AKT3: variants seen among roughly 807,000 people sequenced by gnomAD.
AKT3 encodes AKT serine/threonine kinase 3.
Under a neutral mutation model 65.3 loss-of-function variants are expected in AKT3, and 15 were observed. That is an observed-to-expected ratio of 0.23 (90% CI 0.15 to 0.35). The LOEUF (loss-of-function observed/expected upper bound fraction) is 0.35. Ranked by LOEUF, AKT3 falls within the 10% of genes least tolerant of loss-of-function variation. The probability of loss-of-function intolerance (pLI) is 1.00; values close to 1 mark genes in which losing one functional copy is unlikely to be tolerated. For missense variants in AKT3, 243 were observed against 576.5 expected (o/e 0.42, Z 5.92); for synonymous variants, 206 against 183.8 (o/e 1.12, Z -0.98).
chr1:243,639,669 G>T (rs2147819237), intron 5 of AKT3, among the ~76,000 whole-genome samples: 1 of 152,316 alleles, frequency 6.6e-6, no homozygotes, highest in East Asian at 1.9e-4. Flanking sequence ...GAAACTGTCA[G>T]TTCTGGGAAT....
At chr1:243,679,002 C>T (rs957677564) in intron 3 of AKT3, among the ~76,000 whole-genome samples, 1 of 152,122 alleles carries the variant, frequency 6.6e-6, no homozygotes, top group Non-Finnish European at 1.5e-5. Context: ...GAAAGACTAA[C>T]GCCTTCTCTT....
chr1:243,575,459 T>C (rs899063063), intron 8 of AKT3, among the ~76,000 whole-genome samples: 1 of 152,134 alleles, frequency 6.6e-6, no homozygotes, highest in African/African-American at 2.4e-5. Flanking sequence ...TCCAAACCCA[T>C]CAAGTTGTTC....
chr1:243,814,487 A>G (rs985451740), intron 2 of AKT3: 1 of 152,220 alleles, frequency 6.6e-6, no homozygotes, highest in Non-Finnish European at 1.5e-5. Context: ...TTGGTCAGAA[A>G]ACTCTTCTTA....
chr1:243,789,512 T>G (rs1691483501), intron 2 of AKT3, among the ~76,000 whole-genome samples: 1 of 152,250 alleles, frequency 6.6e-6, no homozygotes, highest in African/African-American at 2.4e-5. Context: ...CTCTTGCTAT[T>G]TCTACCACAT....
At chr1:243,652,771 CAAA>C (rs371580711) in intron 4 of AKT3, among the ~76,000 whole-genome samples, 5 of 31,290 alleles carry the variant, frequency 1.6e-4, no homozygotes, top group African/African-American at 3.9e-4. Context: ...AAATAGAAAG[CAAA>C]AAAAAAAAAA....
At chr1:243,811,865 C>T (rs1160511654) in intron 2 of AKT3, among the ~76,000 whole-genome samples, 4 of 152,114 alleles carry the variant, frequency 2.6e-5, no homozygotes, top group Non-Finnish European at 4.4e-5. Flanking sequence ...AGAAATAATA[C>T]CACACGTCTA....
At chr1:243,600,737 G>A (rs1238915917) in intron 8 of AKT3, among the ~76,000 whole-genome samples, 1 of 151,920 alleles carries the variant, frequency 6.6e-6, no homozygotes, top group Non-Finnish European at 1.5e-5. Flanking sequence ...AAATCTCCCC[G>A]ACCTGCCACC....
chr1:243,829,850 GA>G, intron 2 of AKT3, among the ~76,000 whole-genome samples: 1 of 152,120 alleles, frequency 6.6e-6, no homozygotes, highest in Non-Finnish European at 1.5e-5. Flanking sequence ...GTAAAACTGA[GA>G]AAAAGTGGCT....
intron 2 of AKT3, among the ~76,000 whole-genome samples, chr1:243,813,551 T>C (rs981913750): frequency 6.6e-6 from 1 of 151,744 alleles, no homozygotes; most frequent in Non-Finnish European, 1.5e-5. Flanking sequence ...TAGAAAGCAA[T>C]ATAACGTTAG....
chr1:243,823,703 G>A (rs1458685259), intron 2 of AKT3, among the ~76,000 whole-genome samples: 1 of 152,086 alleles, frequency 6.6e-6, no homozygotes, highest in Non-Finnish European at 1.5e-5. Context: ...CATAGGAATA[G>A]AGCTAACAAG....
chr1:243,544,858 G>A (rs891092403), intron 12 of AKT3, among the ~76,000 whole-genome samples: 1 of 151,370 alleles, frequency 6.6e-6, no homozygotes, highest in Non-Finnish European at 1.5e-5. Flanking sequence ...ACCACGCCCA[G>A]TTGATTTTTT....
At chr1:243,705,809 T>C (rs1030063703) in intron 2 of AKT3, among the ~76,000 whole-genome samples, 1 of 152,084 alleles carries the variant, frequency 6.6e-6, no homozygotes, top group Non-Finnish European at 1.5e-5. Context: ...AGTTATTATT[T>C]TGCTTACATC....
At chr1:243,499,058 C>T (rs1348480471), downstream of AKT3, among the ~76,000 whole-genome samples, 1 of 152,180 alleles carries the variant, frequency 6.6e-6, no homozygotes, top group East Asian at 1.9e-4. Flanking sequence ...GACTCTAGTT[C>T]CTGATGTGGT....
At position 243,587,696 on chromosome 1, in the gene AKT3, T is replaced by C. The variant is rs200995612; in HGVS notation, c.697-14648A>G. 2.0e-5 allele frequency among the ~76,000 whole-genome samples: 3 copies of C among 152,122 alleles called. No homozygotes were observed. In the East Asian group the frequency reaches 5.8e-4, roughly 29 times the overall value. ...AAGGATATTTTCAGAAGTATATACATTGAGAAAAATGTGAAAACGGCCTTC... is the reference window on the plus strand; with the variant it reads ...AAGGATATTTTCAGAAGTATATACACTGAGAAAAATGTGAAAACGGCCTTC... On this transcript the variant is annotated intron_variant, in intron 8 of 13. Coordinates refer to ENST00000673466, the MANE Select transcript of AKT3 (RefSeq NM_005465.7).
Position 243,503,504 on chromosome 1 carries a change from C to A in AKT3, c.*1745G>T. On this transcript the variant is annotated 3_prime_UTR_variant, in exon 14 of 14. Transcript: ENST00000673466. ...ATGATCACTCCGCGGAGTAGGATGG[C>A]CTTCTGCTTGCCGCAAGAGTGGCCC... 1 of 233,360 alleles carries A rather than the reference C, an allele frequency of 4.3e-6. No homozygotes were observed. The highest frequency in any genetic ancestry group is 8.5e-6 in the Non-Finnish European group (1 of 117,870). 14.5% of individuals were successfully genotyped at this position (233,360 alleles called of 1,614,324 possible).
chr1:243,715,535 G>C (rs533856718), intron 2 of AKT3, among the ~76,000 whole-genome samples: 2 of 152,008 alleles, frequency 1.3e-5, no homozygotes, highest in South Asian at 2.1e-4. Flanking sequence ...TTTCAAACTG[G>C]GTGAATCCTA....
At chr1:243,773,377 T>C (rs1344814654) in intron 2 of AKT3, among the ~76,000 whole-genome samples, 2 of 152,032 alleles carry the variant, frequency 1.3e-5, no homozygotes, top group African/African-American at 4.8e-5. Context: ...AGTAGACGCT[T>C]TGAAATCTGA....
intron 2 of AKT3, among the ~76,000 whole-genome samples, chr1:243,757,482 G>C (rs1036956093): frequency 2.6e-5 from 4 of 152,096 alleles, no homozygotes; most frequent in Admixed American, 2.6e-4. Flanking sequence ...GCTGGGCGTG[G>C]TATCAGGTGC....
At chr1:243,522,790 G>A (rs1190924180) in intron 12 of AKT3, among the ~76,000 whole-genome samples, 2 of 152,100 alleles carry the variant, frequency 1.3e-5, no homozygotes, top group Admixed American at 1.3e-4. Context: ...TATTAAACCA[G>A]AAATAAATAA....
Sources: allele counts gnomAD v4.1 joint callset (sites outside exome capture counted in the v4.1 genomes callset), GRCh38; gene constraint gnomAD v4.1.1; transcripts MANE v1.5; gene names NCBI Gene and HGNC (gene_info 2026-07-23, HGNC 2026-07-21).